The following ZNF892 variants were observed in gnomAD, a reference collection of about 807,000 sequenced individuals.
ZNF892 encodes the protein zinc finger protein 570-like.
At chr2:95,240,641 A>G in the ZNF892 span, among the ~76,000 whole-genome samples, 1 of 152,206 alleles carries the variant, frequency 6.6e-6, no homozygotes, top group African/African-American at 2.4e-5. Context: ...TGCTGAATCC[A>G]GGGAGCCAAG....
chr2:95,246,060 C>T, the ZNF892 span, among the ~76,000 whole-genome samples: 2 of 152,026 alleles, frequency 1.3e-5, no homozygotes, highest in African/African-American at 4.8e-5. Flanking sequence ...AGAGATACAA[C>T]AAAAAAAGAA....
chr2:95,232,189 G>T, the ZNF892 span: 1 of 152,310 alleles, frequency 6.6e-6, no homozygotes, highest in South Asian at 2.1e-4. Context: ...CCACAGAGAC[G>T]TACTTCTGCG....
the ZNF892 span, among the ~76,000 whole-genome samples, chr2:95,238,236 G>T: frequency 6.6e-6 from 1 of 152,208 alleles, no homozygotes; most frequent in East Asian, 1.9e-4. Flanking sequence ...GGCTAATGCA[G>T]CTGGTGACTT....
At chr2:95,232,356 G>T in the ZNF892 span, among the ~76,000 whole-genome samples, 1 of 152,208 alleles carries the variant, frequency 6.6e-6, no homozygotes, top group African/African-American at 2.4e-5. Flanking sequence ...TTTTTCAGGA[G>T]AAGAAACAGA....
the ZNF892 span, among the ~76,000 whole-genome samples, chr2:95,213,209 A>G: frequency 6.6e-6 from 1 of 152,072 alleles, no homozygotes; most frequent in African/African-American, 2.4e-5. Flanking sequence ...CAAGTCCCTC[A>G]CTATCCTCCA....
At chr2:95,212,138 C>G in the ZNF892 span, 1 of 398,172 alleles carries the variant, frequency 2.5e-6, no homozygotes. Context: ...TCCTAAAGAC[C>G]AGGGAATGAA....
the ZNF892 span, among the ~76,000 whole-genome samples, chr2:95,246,609 C>A: frequency 2.0e-5 from 3 of 152,128 alleles, no homozygotes; most frequent in African/African-American, 7.2e-5. Context: ...TCTAGAAAAC[C>A]CCATCATCTT....
At chr2:95,242,120 C>A in the ZNF892 span, among the ~76,000 whole-genome samples, 1,133 of 152,040 alleles carry the variant, frequency 7.5e-3, 3 homozygotes, top group Middle Eastern at 0.068. Flanking sequence ...CAAGATAGGC[C>A]AACATTCAGG....
the ZNF892 span, among the ~76,000 whole-genome samples, chr2:95,257,772 C>T: frequency 5.6e-3 from 845 of 151,578 alleles, 1 homozygote; most frequent in Non-Finnish European, 9.5e-3. Flanking sequence ...CAGTGGCGGG[C>T]GCCCCTCCCC....
chr2:95,247,564 A>G, the ZNF892 span, among the ~76,000 whole-genome samples: 1 of 152,218 alleles, frequency 6.6e-6, no homozygotes, highest in Non-Finnish European at 1.5e-5. Flanking sequence ...CAACAGAGTA[A>G]ACAGACAACC....
At chr2:95,261,242 T>C in the ZNF892 span, among the ~76,000 whole-genome samples, 6 of 151,676 alleles carry the variant, frequency 4.0e-5, no homozygotes, top group Middle Eastern at 3.5e-3. Flanking sequence ...TTCCTTCCTC[T>C]GTGGCACTTA....
At chr2:95,225,568 CCGG>C in the ZNF892 span, among the ~76,000 whole-genome samples, 1 of 152,222 alleles carries the variant, frequency 6.6e-6, no homozygotes, top group Non-Finnish European at 1.5e-5. Context: ...ACTCTTAACA[CCGG>C]CAATTAAATT....
the ZNF892 span, among the ~76,000 whole-genome samples, chr2:95,230,431 G>C: frequency 6.6e-6 from 1 of 152,062 alleles, no homozygotes; most frequent in Non-Finnish European, 1.5e-5. Flanking sequence ...ACTTTTTCAA[G>C]TATTTATTGG....
chr2:95,219,003 T>G, the ZNF892 span, among the ~76,000 whole-genome samples: 2 of 152,136 alleles, frequency 1.3e-5, no homozygotes, highest in African/African-American at 2.4e-5. Context: ...ATTTTCTTTT[T>G]TTTGTTTGTT....
At chr2:95,215,332 T>G in the ZNF892 span, 1 of 466,382 alleles carries the variant, frequency 2.1e-6, no homozygotes. Flanking sequence ...TCAGCCCTTA[T>G]TCGTCATCAG....
the ZNF892 span, among the ~76,000 whole-genome samples, chr2:95,220,594 T>C: frequency 2.6e-5 from 4 of 152,312 alleles, no homozygotes; most frequent in East Asian, 7.7e-4. Flanking sequence ...AAAGTAGTGC[T>C]CCACCTTTCC....
At chr2:95,227,626 C>A in the ZNF892 span, among the ~76,000 whole-genome samples, 1 of 151,538 alleles carries the variant, frequency 6.6e-6, no homozygotes, top group African/African-American at 2.4e-5. Flanking sequence ...CCAGATATTT[C>A]ATTTTCAGAG....
chr2:95,246,284 G>T, the ZNF892 span, among the ~76,000 whole-genome samples: 1 of 152,130 alleles, frequency 6.6e-6, no homozygotes, highest in Non-Finnish European at 1.5e-5. Flanking sequence ...ATCTCAATAT[G>T]CAGAAAAGGC....
chr2:95,213,464 C>T, the ZNF892 span, among the ~76,000 whole-genome samples: 5 of 152,144 alleles, frequency 3.3e-5, no homozygotes, highest in Admixed American at 6.5e-5. Flanking sequence ...AGCTTTTCCC[C>T]CTCAAATTCT....
Sources: gnomAD v4.1 joint callset for allele counts (sites outside exome capture counted in the v4.1 genomes callset) on GRCh38, gnomAD v4.1.1 for gene constraint, MANE v1.5 for transcripts, NCBI Gene and HGNC (gene_info 2026-07-23, HGNC 2026-07-21) for gene names.